The following TOX variants were observed in gnomAD, a reference collection of about 807,000 sequenced individuals.
The protein encoded by TOX is thymocyte selection associated high mobility group box.
In TOX, 11 loss-of-function variants were observed where a neutral mutation model predicts 53.7. The observed-to-expected ratio is 0.20, with a 90% confidence interval of 0.13 to 0.34. The LOEUF (loss-of-function observed/expected upper bound fraction) is 0.34. TOX is among the 10% of genes least tolerant of loss of function. The probability of loss-of-function intolerance (pLI) is 1.00; values close to 1 mark genes in which losing one functional copy is unlikely to be tolerated. For missense variants in TOX, 570 were observed against 664.6 expected, an observed-to-expected ratio of 0.86 and a Z score of 1.56; for synonymous variants, 225 against 245.3, an observed-to-expected ratio of 0.92 and a Z score of 0.77.
chr8:58,934,913 G>C (rs1340155865), intron 3 of TOX, among the ~76,000 whole-genome samples: 4 of 152,140 alleles, frequency 2.6e-5, no homozygotes, highest in Non-Finnish European at 4.4e-5. Context: ...AAGGAAGCTG[G>C]AGTAATTACT....
chr8:59,002,540 G>A (rs1412867317), intron 1 of TOX, among the ~76,000 whole-genome samples: 1 of 150,740 alleles, frequency 6.6e-6, no homozygotes, highest in Non-Finnish European at 1.5e-5. Context: ...TGCAGTGAGC[G>A]AGATCGCGCC....
chr8:58,929,293 C>G (rs1812219747), intron 3 of TOX, among the ~76,000 whole-genome samples: 1 of 151,946 alleles, frequency 6.6e-6, no homozygotes, highest in South Asian at 2.1e-4. Flanking sequence ...AAAGGAAAGT[C>G]AAATCTAGTA....
At chr8:58,921,019 G>A (rs974237133) in intron 3 of TOX, among the ~76,000 whole-genome samples, 5 of 152,172 alleles carry the variant, frequency 3.3e-5, no homozygotes, top group Non-Finnish European at 7.3e-5. Context: ...ATCACATTAA[G>A]TGTCCAGTCA....
At chr8:58,959,245 A>G (rs1483602583) in intron 2 of TOX, among the ~76,000 whole-genome samples, 2 of 152,204 alleles carry the variant, frequency 1.3e-5, no homozygotes, top group East Asian at 3.8e-4. Context: ...TTGGCTTTAA[A>G]TGTTCTGCTG....
At chr8:58,864,087 T>C (rs768554162) in intron 3 of TOX, among the ~76,000 whole-genome samples, 7 of 152,152 alleles carry the variant, frequency 4.6e-5, no homozygotes, top group Non-Finnish European at 7.4e-5. Flanking sequence ...ACATCTGCTA[T>C]ATTTTCATAA....
At position 58,826,120 on chromosome 8, in the gene TOX, A is replaced by C. The variant is rs546266512; in HGVS notation, c.1005+702T>G. Among the ~76,000 whole-genome samples the C allele has an allele frequency of 4.0e-4, 61 of 152,350 alleles. No individual in the cohort carries two copies. In the South Asian group the frequency reaches 0.012, roughly 31 times the overall value. Reference sequence around the variant, plus strand: ...CTGGATATTTGTGAATGAGAAAAAAAGTCTTTCCTAAGGGGAAATGGGATG... The same window carrying C: ...CTGGATATTTGTGAATGAGAAAAAACGTCTTTCCTAAGGGGAAATGGGATG... On this transcript the variant is annotated intron_variant, in intron 6 of 8. Coordinates refer to ENST00000361421, the MANE Select transcript of TOX (RefSeq NM_014729.3).
chr8:59,112,252 C>A (rs576636149), intron 1 of TOX, among the ~76,000 whole-genome samples: 2 of 152,124 alleles, frequency 1.3e-5, no homozygotes, highest in Non-Finnish European at 2.9e-5. Context: ...CATGTTATAA[C>A]CAGGAAAAGC....
chr8:59,061,251 T>C (rs1040700863), intron 1 of TOX, among the ~76,000 whole-genome samples: 1 of 152,200 alleles, frequency 6.6e-6, no homozygotes, highest in African/African-American at 2.4e-5. Flanking sequence ...GATCAAAGTA[T>C]TATGAATGGC....
At chr8:59,031,466 T>G (rs905766480) in intron 1 of TOX, among the ~76,000 whole-genome samples, 1 of 152,216 alleles carries the variant, frequency 6.6e-6, no homozygotes, top group Non-Finnish European at 1.5e-5. Context: ...GGCGCTGTTC[T>G]AATCATTGGG....
In TOX at chr8:58,850,185, G is replaced by A. The variant is rs565092712; in HGVS notation, c.693+1339C>T. Reference sequence around the variant, plus strand: ...TTAGATTCTGCAGCTGTTCTAAAACGTACTTGGGATTTGTTTCAGTCAGGT... The same window carrying A: ...TTAGATTCTGCAGCTGTTCTAAAACATACTTGGGATTTGTTTCAGTCAGGT... On this transcript the variant is annotated intron_variant, in intron 4 of 8. Transcript: ENST00000361421. Among the ~76,000 whole-genome samples the A allele has an allele frequency of 6.4e-4, 97 of 152,294 alleles. 1 individual carries two copies. The South Asian group carries it at 0.019, about 30-fold the overall frequency.
intron 1 of TOX, among the ~76,000 whole-genome samples, chr8:58,973,448 G>A (rs1563405743): frequency 6.6e-6 from 1 of 152,158 alleles, no homozygotes; most frequent in Non-Finnish European, 1.5e-5. Context: ...TTGTGAATAT[G>A]CATTCTGAAT....
intron 3 of TOX, among the ~76,000 whole-genome samples, chr8:58,934,138 C>T (rs990814514): frequency 1.3e-5 from 2 of 152,180 alleles, no homozygotes; most frequent in Admixed American, 6.5e-5. Context: ...CTAATTGGCA[C>T]TTATTTGACA....
At chr8:58,821,357 T>C (rs1055799360) in intron 6 of TOX, among the ~76,000 whole-genome samples, 1 of 152,198 alleles carries the variant, frequency 6.6e-6, no homozygotes, top group African/African-American at 2.4e-5. Context: ...TCATAGCTTA[T>C]ATTTATTAAG....
At chr8:58,876,140 T>C (rs1487143665) in intron 3 of TOX, among the ~76,000 whole-genome samples, 1 of 152,070 alleles carries the variant, frequency 6.6e-6, no homozygotes, top group Non-Finnish European at 1.5e-5. Context: ...ACAAAATACA[T>C]GTTAGTGTAC....
intron 1 of TOX, among the ~76,000 whole-genome samples, chr8:59,059,240 C>T (rs1585993661): frequency 6.6e-6 from 1 of 152,166 alleles, no homozygotes; most frequent in African/African-American, 2.4e-5. Context: ...TCTCATTCCC[C>T]TTCCTTCACA....
chr8:58,849,495 C>T (rs1810772450), intron 4 of TOX, among the ~76,000 whole-genome samples: 2 of 152,130 alleles, frequency 1.3e-5, no homozygotes, highest in African/African-American at 4.8e-5. Flanking sequence ...AGCATGGAGA[C>T]ATGTAAATTC....
intron 1 of TOX, among the ~76,000 whole-genome samples, chr8:59,094,593 T>C (rs919074881): frequency 1.3e-5 from 2 of 151,560 alleles, no homozygotes; most frequent in Non-Finnish European, 2.9e-5. Context: ...AATTATTATA[T>C]AATAATTATA....
intron 1 of TOX, among the ~76,000 whole-genome samples, chr8:59,078,767 G>C (rs1270982273): frequency 1.3e-5 from 2 of 152,178 alleles, no homozygotes; most frequent in East Asian, 3.8e-4. Flanking sequence ...ACAGAGGTTG[G>C]AACAGTTTGG....
At chr8:58,942,407 T>C (rs1191899553) in intron 2 of TOX, among the ~76,000 whole-genome samples, 2 of 152,214 alleles carry the variant, frequency 1.3e-5, no homozygotes, top group Non-Finnish European at 2.9e-5. Flanking sequence ...ACAACTTAAC[T>C]GGTAATAGCT....
Sources: allele counts gnomAD v4.1 joint callset (sites outside exome capture counted in the v4.1 genomes callset), GRCh38; gene constraint gnomAD v4.1.1; transcripts MANE v1.5; gene names NCBI Gene and HGNC (gene_info 2026-07-23, HGNC 2026-07-21).